Variants in TTC6 observed in about 807,000 individuals in gnomAD.
TTC6 encodes the protein tetratricopeptide repeat domain 6, also known as tetratricopeptide repeat protein 6.
TTC6 carries 172 observed loss-of-function variants against 210.4 expected under a neutral mutation model. That is an observed-to-expected ratio of 0.82 (90% CI 0.72 to 0.93). The LOEUF (loss-of-function observed/expected upper bound fraction) is 0.93. Ranked by LOEUF, TTC6 falls within the 40% of genes least tolerant of loss-of-function variation. The probability of loss-of-function intolerance (pLI) is 0.00; values close to 1 mark genes in which losing one functional copy is unlikely to be tolerated. For missense variants in TTC6, 2,414 were observed against 2,318.1 expected (o/e 1.04, Z -0.85); for synonymous variants, 804 against 819.6 (o/e 0.98, Z 0.32).
At chr14:37,726,512 A>T (rs1183549621) in intron 7 of TTC6, among the ~76,000 whole-genome samples, 5 of 152,220 alleles carry the variant, frequency 3.3e-5, no homozygotes, top group Admixed American at 2.6e-4. Context: ...CTGTTAGGCC[A>T]TATTTTATTT....
At chr14:37,649,099 C>T (rs1480956146) in intron 1 of TTC6, among the ~76,000 whole-genome samples, 1 of 152,148 alleles carries the variant, frequency 6.6e-6, no homozygotes, top group Non-Finnish European at 1.5e-5. Context: ...CCACTTAGGT[C>T]TTCCCAACAT....
intron 20 of TTC6, 65 bp from the exon 23 acceptor site, chr14:37,804,615 G>A (rs1308812073): frequency 3.2e-6 from 5 of 1,566,210 alleles, no homozygotes; most frequent in African/African-American, 1.4e-5. Context: ...ATATAAGGCT[G>A]TAACGTTAAA....
intron 1 of TTC6, among the ~76,000 whole-genome samples, chr14:37,600,699 T>TC (rs1487738795): frequency 1.3e-5 from 2 of 152,192 alleles, no homozygotes; most frequent in Admixed American, 1.3e-4. Flanking sequence ...TTTTCTGATT[T>TC]CCCCCCATAT....
At chr14:37,653,869 C>T (rs2095717284) in intron 1 of TTC6, among the ~76,000 whole-genome samples, 1 of 152,082 alleles carries the variant, frequency 6.6e-6, no homozygotes. Flanking sequence ...TATACACTGG[C>T]AACATACTAC....
chr14:37,778,419 ATG>A (rs1446890391), intron 14 of TTC6, among the ~76,000 whole-genome samples: 1 of 151,268 alleles, frequency 6.6e-6, no homozygotes, highest in African/African-American at 2.4e-5. Flanking sequence ...GCTGATCTCC[ATG>A]TGTGTGTCTG....
At chr14:37,781,520 A>G (rs1039120749) in intron 14 of TTC6, among the ~76,000 whole-genome samples, 20 of 151,902 alleles carry the variant, frequency 1.3e-4, no homozygotes, top group Middle Eastern at 3.2e-3. Flanking sequence ...TAGATTCTGG[A>G]TATTAGCCGT....
At chr14:37,743,100 G>C (rs2095925713) in intron 10 of TTC6, among the ~76,000 whole-genome samples, 1 of 152,138 alleles carries the variant, frequency 6.6e-6, no homozygotes, top group Non-Finnish European at 1.5e-5. Context: ...CCAACCCAAA[G>C]GCTTGACTTT....
At chr14:37,638,826 TTTAA>T (rs1223694035) in intron 1 of TTC6, among the ~76,000 whole-genome samples, 1 of 152,300 alleles carries the variant, frequency 6.6e-6, no homozygotes, top group East Asian at 1.9e-4. Context: ...AAATAAAAAC[TTTAA>T]TTAAAGATGT....
intron 1 of TTC6, among the ~76,000 whole-genome samples, chr14:37,649,550 A>G (rs1292758911): frequency 6.6e-6 from 1 of 152,168 alleles, no homozygotes; most frequent in Non-Finnish European, 1.5e-5. Flanking sequence ...CTTGTCATTT[A>G]TTCTTTGTAT....
intron 1 of TTC6, among the ~76,000 whole-genome samples, chr14:37,645,903 T>A (rs2095700702): frequency 6.6e-6 from 1 of 152,198 alleles, no homozygotes; most frequent in Admixed American, 6.5e-5. Flanking sequence ...ATAATTATCG[T>A]TTACCTATTC....
At chr14:37,717,214 G>A (rs1297618597) in intron 6 of TTC6, among the ~76,000 whole-genome samples, 2 of 150,598 alleles carry the variant, frequency 1.3e-5, no homozygotes, top group Non-Finnish European at 3.0e-5. Flanking sequence ...AGGAATAAAA[G>A]CAGAAATCAA....
intron 1 of TTC6, among the ~76,000 whole-genome samples, chr14:37,602,604 C>T (rs1181771898): frequency 2.6e-5 from 4 of 152,268 alleles, no homozygotes; most frequent in South Asian, 2.1e-4. Flanking sequence ...TTCCTCCCAC[C>T]CCCACTGTCC....
At chr14:37,808,541 A>G (rs1288690289) in intron 23 of TTC6, among the ~76,000 whole-genome samples, 192 bp from the exon 26 acceptor site, 1 of 152,106 alleles carries the variant, frequency 6.6e-6, no homozygotes, top group Non-Finnish European at 1.5e-5. Flanking sequence ...AACTATAATG[A>G]TAATTTCTAC....
intron 1 of TTC6, 100 bp downstream of exon 1, chr14:37,596,108 G>A (rs766728472): frequency 1.3e-5 from 2 of 152,082 alleles, no homozygotes; most frequent in Non-Finnish European, 2.9e-5. Flanking sequence ...CGACCACAAA[G>A]AGGAAGAAAC....
intron 1 of TTC6, among the ~76,000 whole-genome samples, chr14:37,642,847 T>TA (rs1402155714): frequency 1.3e-5 from 2 of 152,220 alleles, no homozygotes; most frequent in African/African-American, 4.8e-5. Context: ...AACTGTAACA[T>TA]AATAGAAAGT....
rs568313955 is a variant in TTC6 at position 37,733,330 on chromosome 14, T to C, written c.1819-2591T>C. ...TTGGCTTTTCTTTTTTTTCCTCGCA[T>C]GTCAGACACTTATATCTGGAATCAT... is the stretch of plus-strand genomic sequence containing the variant. On this transcript the variant is annotated intron_variant, in intron 7 of 30. Transcript: ENST00000553443. Among the ~76,000 whole-genome samples the C allele has an allele frequency of 4.6e-5, 7 of 152,290 alleles. No homozygotes were observed. The South Asian group carries it at 1.4e-3, about 32-fold the overall frequency.
chr14:37,810,421 C>T (rs1056201150), intron 24 of TTC6, among the ~76,000 whole-genome samples: 1 of 152,148 alleles, frequency 6.6e-6, no homozygotes, highest in East Asian at 1.9e-4. Flanking sequence ...AACTGAATTA[C>T]GATAATAAAA....
intron 2 of TTC6, 67 bp from the exon 5 acceptor site, chr14:37,682,691 C>G: frequency 7.7e-7 from 1 of 1,301,528 alleles, no homozygotes; most frequent in Admixed American, 2.2e-5. Flanking sequence ...GAAACTGTTG[C>G]ATCACTGAAA....
intron 1 of TTC6, among the ~76,000 whole-genome samples, chr14:37,670,471 T>C (rs1380999877): frequency 4.2e-5 from 6 of 144,576 alleles, no homozygotes; most frequent in Non-Finnish European, 1.5e-5. Context: ...ACAAACTACC[T>C]CACTTTTTTT....
Sources: gnomAD v4.1 joint callset for allele counts (sites outside exome capture counted in the v4.1 genomes callset) on GRCh38, gnomAD v4.1.1 for gene constraint, MANE v1.5 for transcripts, NCBI Gene and HGNC (gene_info 2026-07-23, HGNC 2026-07-21) for gene names.